ACBD6: variants seen among roughly 807,000 people sequenced by gnomAD.
The protein encoded by ACBD6 is acyl-CoA binding domain containing 6, also known as acyl-CoA-binding domain-containing protein 6.
Under a neutral mutation model 37.2 loss-of-function variants are expected in ACBD6, and 28 were observed. The observed-to-expected ratio is 0.75, with a 90% CI of 0.56 to 1.03. ACBD6 has a LOEUF of 1.03. ACBD6 is among the 50% of genes least tolerant of loss of function. The probability of loss-of-function intolerance (pLI) is 0.00; values close to 1 mark genes in which losing one functional copy is unlikely to be tolerated. For missense variants in ACBD6, 340 were observed against 337.4 expected (o/e 1.01, Z -0.06); for synonymous variants, 113 against 126.8 (o/e 0.89, Z 0.73).
At chr1:180,385,604 A>C (rs1352909271) in intron 6 of ACBD6, among the ~76,000 whole-genome samples, 2 of 151,936 alleles carry the variant, frequency 1.3e-5, no homozygotes, top group Non-Finnish European at 2.9e-5. Context: ...TTAACGTGAT[A>C]GGGCTGGTTC....
At chr1:180,269,767 A>T (rs1247616331) in exon 14 of ACBD6, 1 of 152,234 alleles carries the variant, frequency 6.6e-6, no homozygotes, top group Non-Finnish European at 1.5e-5. Flanking sequence ...GACTATAAAT[A>T]TGCACAGAAG....
intron 6 of ACBD6, among the ~76,000 whole-genome samples, chr1:180,366,690 C>A (rs1653067247): frequency 6.6e-6 from 1 of 151,964 alleles, no homozygotes; most frequent in Non-Finnish European, 1.5e-5. Context: ...AGAGAAATAA[C>A]TGATTAAACA....
exon 10 of ACBD6, chr1:180,274,909 T>C: frequency 4.2e-6 from 1 of 239,750 alleles, no homozygotes; most frequent in Non-Finnish European, 8.1e-6. Flanking sequence ...GTGACTGTGA[T>C]AGGCCCCCTT....
rs547501666 is a variant in ACBD6 at position 180,451,788 on chromosome 1, G to A, written c.385-21526C>T. Reference sequence around the variant, plus strand: ...TGAGGGGATGAAAATGTTCTAAGATGAATTGTAATGATGGTTGTACAACTT... The same window carrying A: ...TGAGGGGATGAAAATGTTCTAAGATAAATTGTAATGATGGTTGTACAACTT... On this transcript the variant is annotated intron_variant, in intron 3 of 7. Transcript: ENST00000367595. Among the ~76,000 whole-genome samples, 115 of 152,252 alleles carry A rather than the reference G, an allele frequency of 7.6e-4. 1 individual carries two copies. The highest frequency in any genetic ancestry group is 2.7e-3 in the African/African-American group (113 of 41,558).
chr1:180,450,824 T>C (rs990228961), intron 3 of ACBD6, among the ~76,000 whole-genome samples: 4 of 152,008 alleles, frequency 2.6e-5, no homozygotes, highest in African/African-American at 7.2e-5. Flanking sequence ...ACATCGTCTA[T>C]GTGGGCCTAA....
rs145918451 is a variant in ACBD6, at chr1:180,469,753, C to T, written c.384+22516G>A. 5.1e-3 allele frequency among the ~76,000 whole-genome samples: 776 copies of T among 152,278 alleles called. 5 individuals are homozygous for T. Among genetic ancestry groups the T allele is most frequent in the African/African-American group, 0.018 (735 of 41,560 alleles). Reference sequence around the variant, plus strand: ...TTTATTCACCATAGCCTACCATGTGCAGGTTAACATTCACTAATATCCTCA... The same window carrying T: ...TTTATTCACCATAGCCTACCATGTGTAGGTTAACATTCACTAATATCCTCA... On this transcript the variant is annotated intron_variant, in intron 3 of 7. Coordinates refer to ENST00000367595, the MANE Select transcript of ACBD6 (RefSeq NM_032360.4).
At chr1:180,310,106 A>G (rs1049162354) in intron 7 of ACBD6, among the ~76,000 whole-genome samples, 5 of 152,170 alleles carry the variant, frequency 3.3e-5, no homozygotes, top group Admixed American at 3.3e-4. Flanking sequence ...ATAAAAAAAA[A>G]TAACTACTAC....
At chr1:180,333,877 C>A (rs557799721) in intron 6 of ACBD6, among the ~76,000 whole-genome samples, 21 of 152,378 alleles carry the variant, frequency 1.4e-4, no homozygotes, top group South Asian at 6.2e-4. Context: ...TATCCCGTGC[C>A]TGGCTCAGAG....
At chr1:180,441,743 CTT>C (rs1649288116) in intron 3 of ACBD6, among the ~76,000 whole-genome samples, 1 of 152,152 alleles carries the variant, frequency 6.6e-6, no homozygotes, top group South Asian at 2.1e-4. Flanking sequence ...TATCTTGTAA[CTT>C]TGCTGAATTA....
In ACBD6 at chr1:180,481,233, C is replaced by T. The variant is rs190218490; in HGVS notation, c.384+11036G>A. ...ATGTTAATGGCTTGGCCCATGAAGG[C>T]GCTTGTTTTTGATTTTTTTTTTTTG... On this transcript the variant is annotated intron_variant, in intron 3 of 7. Coordinates refer to ENST00000367595, the MANE Select transcript of ACBD6 (RefSeq NM_032360.4). 1.2e-3 allele frequency among the ~76,000 whole-genome samples: 153 copies of T among 132,292 alleles called. 1 individual carries two copies. The East Asian group carries it at 0.026, about 23-fold the overall frequency. The allele number at this position is 132,292 out of a possible 152,430, so 86.8% of individuals were successfully genotyped here. A position where few individuals can be genotyped will look rare whatever the true frequency, so the allele number is the denominator to read the frequency against.
chr1:180,273,952 C>A, exon 11 of ACBD6: 1 of 570,210 alleles, frequency 1.8e-6, no homozygotes, highest in Non-Finnish European at 3.1e-6. Context: ...ATTTGTCCAT[C>A]CTTCTGGGAC....
intron 6 of ACBD6, among the ~76,000 whole-genome samples, chr1:180,369,494 AAG>A (rs1653176471): frequency 6.6e-6 from 1 of 152,304 alleles, no homozygotes; most frequent in Middle Eastern, 3.4e-3. Context: ...GGAGAAATAA[AAG>A]AGAGACACAG....
chr1:180,462,064 C>A (rs1451254847), intron 3 of ACBD6, among the ~76,000 whole-genome samples: 1 of 152,008 alleles, frequency 6.6e-6, no homozygotes, highest in East Asian at 1.9e-4. Context: ...GGTAAAACCC[C>A]ATCTCTACTA....
chr1:180,358,255 T>TCAACATGGTGAAACCCC (rs1652701705), intron 6 of ACBD6, among the ~76,000 whole-genome samples: 1 of 152,100 alleles, frequency 6.6e-6, no homozygotes, highest in Non-Finnish European at 1.5e-5. Context: ...GGTGAAACCC[T>TCAACATGGTGAAACCCC]GTCTCTACTA....
intron 4 of ACBD6, among the ~76,000 whole-genome samples, chr1:180,417,923 T>C (rs1046711270): frequency 2.8e-4 from 43 of 152,298 alleles, no homozygotes; most frequent in African/African-American, 1.0e-3. Context: ...AAGTTGTTGA[T>C]CTGAAAGGCA....
chr1:180,356,624 A>T (rs1558264360), intron 6 of ACBD6, among the ~76,000 whole-genome samples: 3 of 151,912 alleles, frequency 2.0e-5, no homozygotes. Context: ...CGGCAGGTGG[A>T]CTGCTTGAGT....
intron 3 of ACBD6, among the ~76,000 whole-genome samples, chr1:180,466,595 AT>A (rs1378887768): frequency 6.6e-6 from 1 of 152,148 alleles, no homozygotes; most frequent in Non-Finnish European, 1.5e-5. Flanking sequence ...GTGTATTTAT[AT>A]TTTTTAAATA....
At chr1:180,494,566 C>T (rs575829583) in intron 2 of ACBD6, among the ~76,000 whole-genome samples, 1 of 152,302 alleles carries the variant, frequency 6.6e-6, no homozygotes, top group Non-Finnish European at 1.5e-5. Context: ...TATCTCCTAA[C>T]AGTTGGGTAA....
At chr1:180,345,883 A>G (rs1652162832) in intron 6 of ACBD6, among the ~76,000 whole-genome samples, 1 of 152,218 alleles carries the variant, frequency 6.6e-6, no homozygotes, top group African/African-American at 2.4e-5. Context: ...TATTATGAAC[A>G]AGTGCTATCT....
Sources: gnomAD v4.1 joint callset for allele counts (sites outside exome capture counted in the v4.1 genomes callset) on GRCh38, gnomAD v4.1.1 for gene constraint, MANE v1.5 for transcripts, NCBI Gene and HGNC (gene_info 2026-07-23, HGNC 2026-07-21) for gene names.